The following FAM204A variants were observed in gnomAD, a reference collection of about 807,000 sequenced individuals.
The protein encoded by FAM204A is family with sequence similarity 204 member A, also known as protein FAM204A.
A neutral mutation model predicts 35.4 loss-of-function variants in FAM204A; 16 were observed. The observed-to-expected ratio is 0.45, with a 90% CI of 0.31 to 0.69. The LOEUF is 0.69. FAM204A is among the 30% of genes least tolerant of loss of function. The probability of loss-of-function intolerance (pLI) is 0.07; values close to 1 mark genes in which losing one functional copy is unlikely to be tolerated. For missense variants in FAM204A, 240 were observed against 265.7 expected (o/e 0.90, Z 0.67); for synonymous variants, 76 against 86.9 (o/e 0.88, Z 0.70).
At position 118,298,481 on chromosome 10, in the gene FAM204A, A is replaced by G. The variant is rs1845773148; in HGVS notation, c.*12376T>C. ...GTCAGAAAGCGTTCCTTGCATAAAC[A>G]GGTGTTATTTCCATGTACTTTTGCT... On this transcript the variant is annotated 3_prime_UTR_variant, in exon 9 of 9. Coordinates refer to ENST00000369183, the MANE Select transcript of FAM204A (RefSeq NM_022063.3). 6.6e-6 allele frequency: 1 copy of G among 152,220 alleles called. No individual in the cohort carries two copies. Among genetic ancestry groups the G allele is most frequent in the African/African-American group, 2.4e-5 (1 of 41,442 alleles). The allele number at this position is 152,220 out of a possible 1,614,324, so 9.4% of individuals were successfully genotyped here. A position where few individuals can be genotyped will look rare whatever the true frequency, so the allele number is the denominator to read the frequency against.
chr10:118,333,336 T>C lies in FAM204A; in HGVS notation c.453+1778A>G, dbSNP rs562295921. Among the ~76,000 whole-genome samples the C allele has an allele frequency of 5.9e-5, 9 of 152,374 alleles. No homozygotes were observed. The South Asian group carries it at 1.7e-3, about 28-fold the overall frequency. ...AAACAAAATAGTGGATGGAAATTCA[T>C]GCTAGTTTTGTTCTAACTGCATCAC... On this transcript the variant is annotated intron_variant, in intron 6 of 8. Coordinates refer to ENST00000369183, the MANE Select transcript of FAM204A (RefSeq NM_022063.3).
chr10:118,300,973 C>T lies in FAM204A; in HGVS notation c.*9884G>A, dbSNP rs2119760113. 1 of 152,330 alleles carries T rather than the reference C, an allele frequency of 6.6e-6. No individual in the cohort carries two copies. The highest frequency in any genetic ancestry group is 2.1e-4 in the South Asian group (1 of 4,822). The allele number at this position is 152,330 out of a possible 1,614,324, so 9.4% of individuals were successfully genotyped here. A position where few individuals can be genotyped will look rare whatever the true frequency, so the allele number is the denominator to read the frequency against. ...CTCACACAGTAAGCATTATTAACAA[C>T]AGCACTTTACAAATAGAAATTTGTT... On this transcript the variant is annotated 3_prime_UTR_variant, in exon 9 of 9. Transcript: ENST00000369183.
intron 7 of FAM204A, among the ~76,000 whole-genome samples, chr10:118,325,619 T>C (rs377433460): frequency 6.6e-6 from 1 of 152,122 alleles, no homozygotes; most frequent in African/African-American, 2.4e-5. Flanking sequence ...AGGAGTATAA[T>C]TCAGAATCTT....
At chr10:118,333,708 CCTAGCCAG>C (rs1447886699) in intron 6 of FAM204A, among the ~76,000 whole-genome samples, 1 of 152,174 alleles carries the variant, frequency 6.6e-6, no homozygotes, top group African/African-American at 2.4e-5. Context: ...CAGATAGAAG[CCTAGCCAG>C]CTCAGGCTCC....
At chr10:118,326,466 C>T (rs145604038) in intron 6 of FAM204A, 25 of 473,974 alleles carry the variant, frequency 5.3e-5, no homozygotes, top group African/African-American at 1.2e-4. Context: ...AAAAATAAGA[C>T]GCAAATCCAG....
rs1451687708 is a variant in FAM204A at position 118,310,904 on chromosome 10, C to T, written c.655G>A (p.Glu219Lys). 8.2e-6 allele frequency: 13 copies of T among 1,594,964 alleles called. No homozygotes were observed. Among genetic ancestry groups the T allele is most frequent in the African/African-American group, 1.4e-5 (1 of 73,902 alleles). ...RKKKKLAWGF[E>K]AKKRWETKSN... ...TTGGTTTCCCATCTCTTCTTTGCTT[C>T]AAACCTAAAAGGAAGAACATACAAA... The change falls in exon 9 of 9, where the codon GAA (glutamate) becomes AAA (lysine). Residue 219 changes from glutamate to lysine, a missense_variant. Physicochemically the swap from Glu to Lys is moderately conservative, Grantham distance 56. Coordinates refer to ENST00000369183, the MANE Select transcript of FAM204A (RefSeq NM_022063.3).
rs778043354 is a variant in FAM204A, at chr10:118,310,488, CAA to C, written c.*367_*368del. ...TGACAGAGCAAGCGAGGCTCTGTCTCAAAAAAAAAAAAAAAAAGAAAGAAAGT... is the reference window on the plus strand; with the variant it reads ...TGACAGAGCAAGCGAGGCTCTGTCTCAAAAAAAAAAAAAAAGAAAGAAAGT... On this transcript the variant is annotated 3_prime_UTR_variant, in exon 9 of 9. Coordinates refer to ENST00000369183, the MANE Select transcript of FAM204A (RefSeq NM_022063.3). 1,278 of 80,478 alleles carry C rather than the reference CAA, an allele frequency of 0.016. No individual in the cohort carries two copies. Among genetic ancestry groups the C allele is most frequent in the Middle Eastern group, 0.042 (7 of 168 alleles). The allele number at this position is 80,478 out of a possible 1,614,324, so 5.0% of individuals were successfully genotyped here.
intron 7 of FAM204A, among the ~76,000 whole-genome samples, chr10:118,317,357 C>T (rs1846047627): frequency 6.6e-6 from 1 of 151,992 alleles, no homozygotes; most frequent in Non-Finnish European, 1.5e-5. Flanking sequence ...AAAAATTCTA[C>T]AGTATAAACT....
At chr10:118,316,863 C>A (rs1027779047) in intron 7 of FAM204A, among the ~76,000 whole-genome samples, 2 of 151,832 alleles carry the variant, frequency 1.3e-5, no homozygotes, top group Admixed American at 6.6e-5. Context: ...TTACAGTATT[C>A]CAAAGGAGGG....
intron 7 of FAM204A, among the ~76,000 whole-genome samples, chr10:118,312,029 A>G (rs182769935): frequency 5.9e-5 from 9 of 152,176 alleles, no homozygotes; most frequent in Admixed American, 2.6e-4. Context: ...AACCTAAAAC[A>G]GTCCCTGTTT....
Position 118,320,354 on chromosome 10 carries a change from T to C in FAM204A, c.543+5800A>G, listed in dbSNP as rs544015396. Among the ~76,000 whole-genome samples, 7 of 151,852 alleles carry C rather than the reference T, an allele frequency of 4.6e-5. 2 individuals carry two copies. The South Asian group carries it at 1.5e-3, about 31-fold the overall frequency. ...CTGCTTCCTTTGTTAAATCTAGACT[T>C]TAGCACTTAATCTTAAAATATTTGT... On this transcript the variant is annotated intron_variant, in intron 7 of 8. Coordinates refer to ENST00000369183, the MANE Select transcript of FAM204A (RefSeq NM_022063.3).
Position 118,331,705 on chromosome 10 carries a change from A to G in FAM204A, c.453+3409T>C, listed in dbSNP as rs186812509. On this transcript the variant is annotated intron_variant, in intron 6 of 8. Coordinates refer to ENST00000369183, the MANE Select transcript of FAM204A (RefSeq NM_022063.3). ...AAAGCTTAACACAAATGAATTATCC[A>G]TTGAAGTTTGCATTACTGAACCTAA... is the stretch of plus-strand genomic sequence containing the variant. 3.4e-3 allele frequency among the ~76,000 whole-genome samples: 511 copies of G among 152,182 alleles called. 2 individuals carry two copies. Among genetic ancestry groups the G allele is most frequent in the Admixed American group, 5.9e-3 (90 of 15,284 alleles).
At chr10:118,338,759 A>C (rs909113835) in intron 2 of FAM204A, among the ~76,000 whole-genome samples, 1 of 152,118 alleles carries the variant, frequency 6.6e-6, no homozygotes, top group Non-Finnish European at 1.5e-5. Context: ...TCTCCTACTA[A>C]ACCACTGTTT....
At position 118,336,434 on chromosome 10, in the gene FAM204A, A is replaced by C; in HGVS notation, c.-8-11T>G. The C allele has an allele frequency of 6.3e-7, 1 of 1,595,034 alleles. No homozygotes were observed. Among genetic ancestry groups the C allele is most frequent in the Non-Finnish European group, 8.5e-7 (1 of 1,171,928 alleles). On this transcript the variant is annotated splice_polypyrimidine_tract_variant and intron_variant, in intron 2 of 8. Transcript: ENST00000369183. ...TCCACATCTTTTCTTCTATGAGGAA[A>C]AAGATTAATTTACACATGTAGAATA...
intron 6 of FAM204A, among the ~76,000 whole-genome samples, chr10:118,330,160 A>G (rs1303444664): frequency 6.6e-6 from 1 of 152,210 alleles, no homozygotes; most frequent in Non-Finnish European, 1.5e-5. Context: ...CAGAATATTA[A>G]CCATCGCCTC....
chr10:118,321,532 A>G (rs894985631), intron 7 of FAM204A, among the ~76,000 whole-genome samples: 9 of 152,026 alleles, frequency 5.9e-5, no homozygotes, highest in African/African-American at 1.7e-4. Flanking sequence ...CCAGAAAAAA[A>G]CATTGTATTT....
At position 118,328,677 on chromosome 10, in the gene FAM204A, T is replaced by C. The variant is rs529409816; in HGVS notation, c.454-2434A>G. On this transcript the variant is annotated intron_variant, in intron 6 of 8. Transcript: ENST00000369183. ...CCAGCTAATTTTTTGTATTTTAGTA[T>C]AGACATGGTTTCACCATGCTGGCCA... Among the ~76,000 whole-genome samples the C allele has an allele frequency of 7.9e-5, 12 of 152,076 alleles. No homozygotes were observed. In the East Asian group the frequency reaches 1.9e-3, roughly 25 times the overall value.
At chr10:118,335,023 T>C in intron 6 of FAM204A, 91 bp downstream of exon 6, 1 of 890,518 alleles carries the variant, frequency 1.1e-6, no homozygotes, top group East Asian at 2.4e-5. Context: ...TCTTTTTAAC[T>C]GAATGAATTA....
At chr10:118,337,825 A>G (rs1846412592) in intron 2 of FAM204A, among the ~76,000 whole-genome samples, 1 of 152,158 alleles carries the variant, frequency 6.6e-6, no homozygotes, top group South Asian at 2.1e-4. Context: ...GGCTCAATAA[A>G]TGTTAAGTTC....
Sources: gnomAD v4.1 joint callset for allele counts (sites outside exome capture counted in the v4.1 genomes callset) on GRCh38, gnomAD v4.1.1 for gene constraint, MANE v1.5 for transcripts, NCBI Gene and HGNC (gene_info 2026-07-23, HGNC 2026-07-21) for gene names.